ALG9: variants seen among roughly 807,000 people sequenced by gnomAD.
ALG9 encodes the protein ALG9 alpha-1,2-mannosyltransferase.
ALG9 carries 55 observed loss-of-function variants against 81.8 expected under a neutral mutation model. The ratio of observed to expected loss-of-function variants is 0.67; its 90% CI spans 0.54 to 0.84. The LOEUF (loss-of-function observed/expected upper bound fraction) is 0.84, where lower values mean the gene tolerates loss of function less well. Ranked by LOEUF, ALG9 falls within the 40% of genes least tolerant of loss-of-function variation. The pLI is 0.00. For synonymous variants in ALG9, 278 were observed against 274.3 expected (o/e 1.01, Z -0.13); for missense variants, 629 against 745.0 (o/e 0.84, Z 1.81).
chr11:111,819,150 AGT>A (rs1263573917), intron 13 of ALG9, among the ~76,000 whole-genome samples: 3 of 152,260 alleles, frequency 2.0e-5, no homozygotes, highest in Non-Finnish European at 4.4e-5. Context: ...ATTTTATCAC[AGT>A]TTAGAATGCC....
chr11:111,793,268 C>T (rs1947708797), intron 14 of ALG9, among the ~76,000 whole-genome samples: 1 of 152,162 alleles, frequency 6.6e-6, no homozygotes, highest in Non-Finnish European at 1.5e-5. Flanking sequence ...AGGTATGAGT[C>T]ACTGCACACG....
chr11:111,839,901 T>C (rs1316613065), intron 10 of ALG9, among the ~76,000 whole-genome samples: 1 of 152,050 alleles, frequency 6.6e-6, no homozygotes, highest in African/African-American at 2.4e-5. Context: ...GGCAAATCTA[T>C]AAGAACAGAA....
chr11:111,768,359 A>G, the ALG9 span, among the ~76,000 whole-genome samples: 10 of 152,326 alleles, frequency 6.6e-5, no homozygotes, highest in African/African-American at 1.9e-4. Context: ...TTTCATTTGT[A>G]TTTAATTTGT....
chr11:111,844,283 T>G (rs951209773), intron 9 of ALG9, among the ~76,000 whole-genome samples: 5 of 152,168 alleles, frequency 3.3e-5, no homozygotes, highest in Non-Finnish European at 7.3e-5. Flanking sequence ...GGATTACAGA[T>G]GTCAGCCACC....
At chr11:111,836,135 A>G in intron 13 of ALG9, 30 bp downstream of exon 13, 3 of 1,613,268 alleles carry the variant, frequency 1.9e-6, no homozygotes, top group Middle Eastern at 1.7e-4. Context: ...AATTCTTTTC[A>G]GAGAAGCAAG....
At chr11:111,837,042 G>T (rs1431267317) in intron 12 of ALG9, among the ~76,000 whole-genome samples, 1 of 152,228 alleles carries the variant, frequency 6.6e-6, no homozygotes, top group African/African-American at 2.4e-5. Flanking sequence ...GCCTTCCCCA[G>T]TGTCCACATA....
chr11:111,822,471 G>A (rs1213519779), intron 13 of ALG9, among the ~76,000 whole-genome samples: 2 of 150,962 alleles, frequency 1.3e-5, no homozygotes, highest in Non-Finnish European at 2.9e-5. Flanking sequence ...TAACACTTTG[G>A]GAGGCCAAGG....
intron 8 of ALG9, among the ~76,000 whole-genome samples, chr11:111,845,882 GAAGT>G (rs1163192205): frequency 2.6e-5 from 4 of 152,286 alleles, no homozygotes; most frequent in Non-Finnish European, 5.9e-5. Context: ...ATTTAGGGGA[GAAGT>G]AAGAGGGAGG....
At chr11:111,791,021 T>G (rs1947318192) in intron 14 of ALG9, among the ~76,000 whole-genome samples, 1 of 152,260 alleles carries the variant, frequency 6.6e-6, no homozygotes, top group Admixed American at 6.5e-5. Context: ...GTTTTCCATT[T>G]GCTATGATTA....
rs1397842792 is a variant in ALG9, at chr11:111,840,670, A to C, written c.1158T>G (p.Ala386=). ...YPLICLCGAV[A]LSALQHSFLY... is the part of the protein sequence containing the mutation. ...TGAAACTCACCTGAAGTGCAGAGAG[A>C]GCCACAGCGCCACAGAGACATATAA... Residue 386 remains alanine, a synonymous_variant, in exon 10 of 15, where the codon GCT becomes GCG. Coordinates refer to ENST00000616540, the MANE Select transcript of ALG9 (RefSeq NM_024740.2). The C allele has an allele frequency of 3.7e-6, 6 of 1,614,004 alleles. No individual in the cohort carries two copies. The Admixed American group carries it at 1.0e-4, about 27-fold the overall frequency.
intron 13 of ALG9, among the ~76,000 whole-genome samples, chr11:111,825,495 C>A (rs144385931): frequency 2.2e-3 from 338 of 152,290 alleles, no homozygotes; most frequent in Non-Finnish European, 3.6e-3. Flanking sequence ...TTTCATACTT[C>A]AGGCCTTTGC....
intron 14 of ALG9, among the ~76,000 whole-genome samples, chr11:111,797,030 G>T (rs1482907327): frequency 2.0e-5 from 3 of 152,174 alleles, no homozygotes; most frequent in Non-Finnish European, 4.4e-5. Context: ...TGCCTCTTCT[G>T]TAAGAAATCA....
chr11:111,845,876 A>T (rs1956872403), intron 8 of ALG9, among the ~76,000 whole-genome samples: 1 of 152,206 alleles, frequency 6.6e-6, no homozygotes, highest in South Asian at 2.1e-4. Flanking sequence ...AGAAACATTT[A>T]GGGGAGAAGT....
At chr11:111,832,300 A>C (rs1954504912) in intron 13 of ALG9, among the ~76,000 whole-genome samples, 1 of 151,982 alleles carries the variant, frequency 6.6e-6, no homozygotes, top group South Asian at 2.1e-4. Context: ...TTTCAGAGAG[A>C]GGGTCCTGCT....
At chr11:111,864,330 TA>T in intron 4 of ALG9, 1 of 810,340 alleles carries the variant, frequency 1.2e-6, no homozygotes, top group Non-Finnish European at 2.2e-6. Context: ...CTCAACTGCA[TA>T]AAAGTTTCCC....
At chr11:111,818,054 C>T (rs375104211) in intron 13 of ALG9, among the ~76,000 whole-genome samples, 4 of 152,204 alleles carry the variant, frequency 2.6e-5, no homozygotes, top group African/African-American at 9.7e-5. Flanking sequence ...GCTGGGATTT[C>T]AGGCGTGAGC....
downstream of ALG9, chr11:111,778,440 C>T (rs1263651960): frequency 2.0e-5 from 3 of 152,162 alleles, no homozygotes; most frequent in African/African-American, 7.2e-5. Context: ...ACTTCAGTAT[C>T]ATATTAGTTA....
At chr11:111,774,465 G>A in the ALG9 span, among the ~76,000 whole-genome samples, 2 of 152,210 alleles carry the variant, frequency 1.3e-5, no homozygotes, top group Non-Finnish European at 2.9e-5. Context: ...ATGCACACAC[G>A]TGCTTGTATA....
At chr11:111,801,758 C>G (rs575525504) in intron 14 of ALG9, among the ~76,000 whole-genome samples, 40 of 152,256 alleles carry the variant, frequency 2.6e-4, no homozygotes, top group Admixed American at 2.6e-3. Context: ...AAAATCATGC[C>G]CTGAACACAA....
Sources: allele counts gnomAD v4.1 joint callset (sites outside exome capture counted in the v4.1 genomes callset), GRCh38; gene constraint gnomAD v4.1.1; transcripts MANE v1.5; gene names NCBI Gene and HGNC (gene_info 2026-07-23, HGNC 2026-07-21).